TLL2: variants seen among roughly 807,000 people sequenced by gnomAD.
TLL2 encodes the protein tolloid-like protein 2.
In TLL2, 106 loss-of-function variants were observed where a neutral mutation model predicts 123.0. That is an observed-to-expected ratio of 0.86 (90% CI 0.74 to 1.01). The LOEUF (loss-of-function observed/expected upper bound fraction) is 1.01, where lower values mean the gene tolerates loss of function less well. Ranked by LOEUF, TLL2 falls within the 50% of genes least tolerant of loss-of-function variation. The pLI, the probability that TLL2 is intolerant of heterozygous loss-of-function variation, is 0.00. For missense variants in TLL2, 1,332 were observed against 1,336.7 expected (o/e 1.00, Z 0.06); for synonymous variants, 494 against 516.8 (o/e 0.96, Z 0.60).
rs1250059814 is a variant in TLL2 at position 96,384,624 on chromosome 10, G to T, written c.2157C>A (p.Thr719=). 15 of 1,605,778 alleles carry T rather than the reference G, an allele frequency of 9.3e-6. No homozygotes were observed. The highest frequency in any genetic ancestry group is 1.3e-5 in the Non-Finnish European group (15 of 1,174,334). The change falls in exon 16 of 21, where the codon ACC becomes ACA. Residue 719 remains threonine (T), a synonymous_variant. Coordinates refer to ENST00000357947, the MANE Select transcript of TLL2 (RefSeq NM_012465.4). ...GGGCCCTGAAGCCGCGCTTGGAGAC[G>T]GTGTTGTCGGACTTGAACTCCACGC... The part of the protein sequence containing the change: ...NMRVEFKSDN[T]VSKRGFRAHF...
intron 1 of TLL2, among the ~76,000 whole-genome samples, chr10:96,512,480 G>T (rs1418357808): frequency 6.6e-6 from 1 of 152,188 alleles, no homozygotes; most frequent in East Asian, 1.9e-4. Flanking sequence ...ACAGCCCCGG[G>T]AAGGAGCACC....
chr10:96,498,777 G>C (rs568322955), intron 1 of TLL2, among the ~76,000 whole-genome samples: 3 of 152,226 alleles, frequency 2.0e-5, no homozygotes, highest in Admixed American at 6.5e-5. Flanking sequence ...GATGATTTGA[G>C]CTCTGCATAC....
chr10:96,495,557 T>A (rs734566), intron 1 of TLL2, among the ~76,000 whole-genome samples: 1 of 152,028 alleles, frequency 6.6e-6, no homozygotes. Flanking sequence ...ATTCATGGGA[T>A]GGTGTTAATG....
At chr10:96,433,066 T>A (rs1846761144) in intron 3 of TLL2, 104 bp from the exon 4 acceptor site, 6 of 1,464,918 alleles carry the variant, frequency 4.1e-6, no homozygotes, top group Middle Eastern at 4.1e-4. Flanking sequence ...TGTTAAAACA[T>A]GTTCCAAAGG....
rs1473267019 is a variant in TLL2 at position 96,397,174 on chromosome 10, C to T, written c.1384+12G>A. 3.7e-6 allele frequency: 6 copies of T among 1,607,244 alleles called. No individual in the cohort carries two copies. Among genetic ancestry groups the T allele is most frequent in the Admixed American group, 3.4e-5 (2 of 59,398 alleles). Reference sequence around the variant, plus strand: ...AGGGGCCACCGAGCAGCTGCTTTCACCTCGCACAAACCTTCGTACGCTGCA... The same window carrying T: ...AGGGGCCACCGAGCAGCTGCTTTCATCTCGCACAAACCTTCGTACGCTGCA... On this transcript the variant is annotated intron_variant, in intron 11 of 20. Transcript: ENST00000357947.
chr10:96,497,591 T>C (rs1162717448), intron 1 of TLL2, among the ~76,000 whole-genome samples: 2 of 152,140 alleles, frequency 1.3e-5, no homozygotes, highest in Admixed American at 6.6e-5. Flanking sequence ...GGTCTAGCCA[T>C]AGACACATCC....
chr10:96,502,934 T>C (rs1377332324), intron 1 of TLL2, among the ~76,000 whole-genome samples: 4 of 152,138 alleles, frequency 2.6e-5, no homozygotes, highest in Non-Finnish European at 5.9e-5. Context: ...GAATATTTAT[T>C]GGTAATTGGC....
At chr10:96,459,732 A>ATATATATATATG (rs1222156603) in intron 2 of TLL2, among the ~76,000 whole-genome samples, 9 of 123,068 alleles carry the variant, frequency 7.3e-5, no homozygotes, top group African/African-American at 2.6e-4. Flanking sequence ...ATATATATAT[A>ATATATATATATG]GCAGCTAAAA....
rs191591422 is a variant in TLL2, at chr10:96,477,381, G to T, written c.286+2968C>A. Among the ~76,000 whole-genome samples the T allele has an allele frequency of 6.2e-3, 906 of 144,974 alleles. 8 individuals carry two copies. The highest frequency in any genetic ancestry group is 0.022 in the African/African-American group (845 of 38,892). ...TTTTTTTTTTTTGAGACAGAGTCTTGCTCTGTCGCCCAGGCTGGAGTGCAG... is the reference window on the plus strand; with the variant it reads ...TTTTTTTTTTTTGAGACAGAGTCTTTCTCTGTCGCCCAGGCTGGAGTGCAG... On this transcript the variant is annotated intron_variant, in intron 2 of 20. Transcript: ENST00000357947.
At chr10:96,410,693 C>T in intron 8 of TLL2, 1 of 634,070 alleles carries the variant, frequency 1.6e-6, no homozygotes, top group Non-Finnish European at 2.9e-6. Flanking sequence ...TCTTCTGAGG[C>T]TCTCAGGACT....
In TLL2 at chr10:96,397,261, T is replaced by G; in HGVS notation, c.1309A>C (p.Thr437Pro). 1 of 1,613,758 alleles carries G rather than the reference T, an allele frequency of 6.2e-7. No individual in the cohort carries two copies. The highest frequency in any genetic ancestry group is 8.5e-7 in the Non-Finnish European group (1 of 1,179,810). Residue 437 changes from threonine (T) to proline (P), a missense_variant, in exon 11 of 21, where the codon ACG (threonine) becomes CCG (proline). Coordinates refer to ENST00000357947, the MANE Select transcript of TLL2 (RefSeq NM_012465.4). ...GDKIPEPLVS[T>P]DSRLWVEFRS... ...AACTCCACCCAGAGCCGGCTGTCCG[T>G]GGAGACGAGGGGCTCCGGGATCTTA...
chr10:96,479,801 C>T (rs570363007), intron 2 of TLL2, among the ~76,000 whole-genome samples: 1 of 152,342 alleles, frequency 6.6e-6, no homozygotes, highest in East Asian at 1.9e-4. Flanking sequence ...GTGACTTGTA[C>T]CTTACCTCTG....
chr10:96,511,347 TG>T (rs1290078474), intron 1 of TLL2, among the ~76,000 whole-genome samples: 2 of 152,222 alleles, frequency 1.3e-5, no homozygotes, highest in Admixed American at 6.5e-5. Flanking sequence ...TCCAAGAGGA[TG>T]GGCGGACTGA....
intron 2 of TLL2, among the ~76,000 whole-genome samples, chr10:96,453,807 G>GA (rs1564910276): frequency 6.6e-6 from 1 of 152,066 alleles, no homozygotes; most frequent in African/African-American, 2.4e-5. Context: ...AAAACATGCC[G>GA]AAAAAATGCT....
At chr10:96,402,765 C>T (rs568218261) in intron 10 of TLL2, among the ~76,000 whole-genome samples, 14 of 152,230 alleles carry the variant, frequency 9.2e-5, no homozygotes, top group African/African-American at 1.9e-4. Context: ...CTCAGTCATA[C>T]GAAAGATTAA....
At chr10:96,454,799 T>A (rs1453225529) in intron 2 of TLL2, among the ~76,000 whole-genome samples, 1 of 152,212 alleles carries the variant, frequency 6.6e-6, no homozygotes, top group African/African-American at 2.4e-5. Flanking sequence ...GCTATTATTA[T>A]TATCCTTATT....
Position 96,384,739 on chromosome 10 carries a change from C to A in TLL2, c.2042G>T (p.Arg681Leu), listed in dbSNP as rs750667574. 6.2e-7 allele frequency: 1 copy of A among 1,604,918 alleles called. No individual in the cohort carries two copies. Among genetic ancestry groups the A allele is most frequent in the South Asian group, 1.1e-5 (1 of 89,988 alleles). ...CTTGGCGTCGGGGGACAGGCCGCTGCGCACCTCTACAAAGTCGTACTTACA... is the reference window on the plus strand; with the variant it reads ...CTTGGCGTCGGGGGACAGGCCGCTGAGCACCTCTACAAAGTCGTACTTACA... ...DVCKYDFVEV[R>L]SGLSPDAKLH... Residue 681 changes from arginine (R) to leucine (L), a missense_variant, in exon 16 of 21, where the codon CGC becomes CTC. Transcript: ENST00000357947.
chr10:96,377,030 G>A (rs963631461), intron 17 of TLL2, among the ~76,000 whole-genome samples: 2 of 152,152 alleles, frequency 1.3e-5, no homozygotes, highest in African/African-American at 2.4e-5. Context: ...ACTGTGGCTC[G>A]GGGGCCAGGC....
intron 16 of TLL2, among the ~76,000 whole-genome samples, chr10:96,381,733 T>G (rs1413659154): frequency 2.6e-5 from 4 of 152,128 alleles, no homozygotes; most frequent in African/African-American, 9.7e-5. Context: ...CTAGCTGGCA[T>G]GTAAGCTTGT....
Sources: gnomAD v4.1 joint callset for allele counts (sites outside exome capture counted in the v4.1 genomes callset) on GRCh38, gnomAD v4.1.1 for gene constraint, MANE v1.5 for transcripts, NCBI Gene and HGNC (gene_info 2026-07-23, HGNC 2026-07-21) for gene names.